The following SLAMF6 variants were observed in gnomAD, a reference collection of about 807,000 sequenced individuals.
SLAMF6 encodes NK-T-B-antigen.
Under a neutral mutation model 38.3 loss-of-function variants are expected in SLAMF6, and 21 were observed. The ratio of observed to expected loss-of-function variants is 0.55; its 90% CI spans 0.39 to 0.79. SLAMF6 has a LOEUF of 0.79. SLAMF6 is among the 30% of genes least tolerant of loss of function. The pLI, the probability that SLAMF6 is intolerant of heterozygous loss-of-function variation, is 0.00. For missense variants in SLAMF6, 341 were observed against 385.3 expected (o/e 0.89, Z 0.96); for synonymous variants, 152 against 146.3 (o/e 1.04, Z -0.28).
Position 160,491,189 on chromosome 1 carries a change from G to A in SLAMF6, c.582C>T (p.Thr194=). The A allele has an allele frequency of 6.2e-7, 1 of 1,614,116 alleles. No individual in the cohort carries two copies. Among genetic ancestry groups the A allele is most frequent in the Non-Finnish European group, 8.5e-7 (1 of 1,179,996 alleles). The part of the protein sequence containing the change: ...DPRISSEQDY[T]CIAENAVSNL... ...TACTGACAGCATTCTCTGCTATGCAGGTGTAGTCCTGTTCACTGGAAATCC... is the reference window on the plus strand; with the variant it reads ...TACTGACAGCATTCTCTGCTATGCAAGTGTAGTCCTGTTCACTGGAAATCC... The change falls in exon 3 of 8, where the codon ACC becomes ACT. Residue 194 remains threonine, a synonymous_variant. Coordinates refer to ENST00000368057, the MANE Select transcript of SLAMF6 (RefSeq NM_001184714.2).
rs562856989 is a variant in SLAMF6, at chr1:160,507,371, C to T, written c.50-10978G>A. On this transcript the variant is annotated intron_variant, in intron 1 of 7. Transcript: ENST00000368057. ...TTATAAACACATATGCACCAAACAA[C>T]AGCCCCAAAATATATAAAGCAAACA... 7.2e-5 allele frequency among the ~76,000 whole-genome samples: 11 copies of T among 152,192 alleles called. No homozygotes were observed. The South Asian group carries it at 2.1e-3, about 29-fold the overall frequency.
Position 160,490,231 on chromosome 1 carries a change from G to A in SLAMF6, c.763C>T (p.Leu255=), listed in dbSNP as rs748602631. Residue 255 remains leucine, a synonymous_variant, in exon 5 of 8, where the codon CTA becomes TTA. Coordinates refer to ENST00000368057, the MANE Select transcript of SLAMF6 (RefSeq NM_001184714.2). ...TGTGTTCGCTGAGTAGACAAAGATA[G>A]GGAATCTGAAAAATAAAACCAGAAA... ...LLVLRKRRDS[L]SLSTQRTQGP... 2.5e-6 allele frequency: 4 copies of A among 1,613,546 alleles called. No homozygotes were observed. Among genetic ancestry groups the A allele is most frequent in the African/African-American group, 2.7e-5 (2 of 74,866 alleles).
chr1:160,497,499 C>G (rs1333246251), intron 1 of SLAMF6, among the ~76,000 whole-genome samples: 1 of 152,084 alleles, frequency 6.6e-6, no homozygotes, highest in Non-Finnish European at 1.5e-5. Flanking sequence ...GGATCTCTTG[C>G]TTCTTTTTCT....
At position 160,487,174 on chromosome 1, in the gene SLAMF6, TC is replaced by T. The variant is rs755654646; in HGVS notation, c.880del (p.Glu294LysfsTer51). 1.9e-6 allele frequency: 3 copies of T among 1,612,698 alleles called. No homozygotes were observed. The highest frequency in any genetic ancestry group is 8.5e-7 in the Non-Finnish European group (1 of 1,179,562). On this transcript the variant is annotated frameshift_variant and splice_region_variant, in exon 7 of 8. Transcript: ENST00000368057. LOFTEE classifies it high-confidence loss of function. ...VYASVTHSNR[E>X]TEIWTPREND... ...TTCTCTAGGTGTCCAGATTTCTGTT[TC>T]CTGTAAAAAGAATCATACCAATTTG...
Position 160,512,837 on chromosome 1 carries a change from C to T in SLAMF6, c.49+10307G>A, listed in dbSNP as rs187907327. ...ACAACAACAGCATCAACAAAAAAGT[C>T]CCCACAAAAAGCCCATCCAAAGATC... On this transcript the variant is annotated intron_variant, in intron 1 of 7. Transcript: ENST00000368057. Among the ~76,000 whole-genome samples, 6 of 152,256 alleles carry T rather than the reference C, an allele frequency of 3.9e-5. No homozygotes were observed. In the East Asian group the frequency reaches 1.2e-3, roughly 29 times the overall value.
intron 6 of SLAMF6, among the ~76,000 whole-genome samples, chr1:160,487,833 T>TAA (rs1653047828): frequency 6.6e-6 from 1 of 152,192 alleles, no homozygotes; most frequent in Non-Finnish European, 1.5e-5. Flanking sequence ...CTCATGCCTG[T>TAA]AAACCCAACA....
Position 160,496,168 on chromosome 1 carries a change from T to C in SLAMF6, c.275A>G (p.Tyr92Cys), listed in dbSNP as rs754697018. 15 of 1,613,720 alleles carry C rather than the reference T, an allele frequency of 9.3e-6. No individual in the cohort carries two copies. The highest frequency in any genetic ancestry group is 4.5e-5 in the East Asian group (2 of 44,882). Residue 92 changes from tyrosine (Y) to cysteine (C), a missense_variant, in exon 2 of 8, where the codon TAC becomes TGC. Coordinates refer to ENST00000368057, the MANE Select transcript of SLAMF6 (RefSeq NM_001184714.2). ...QGKRLNFTQS[Y>C]SLQLSNLKME... ...CTTCAGGTTGCTGAGTTGCAGGGAG[T>C]AGGACTGGGTGAAGTTCAGTCGCTT...
rs188017294 is a variant in SLAMF6, at chr1:160,487,093, C to G, written c.951+11G>C. 6.3e-7 allele frequency: 1 copy of G among 1,597,582 alleles called. No individual in the cohort carries two copies. The highest frequency in any genetic ancestry group is 1.1e-5 in the South Asian group (1 of 90,554). ...TAAGAATATAAAAACATGGAGCAATCGTGGGCTTACCTCTTTGGAATGATT... is the reference window on the plus strand; with the variant it reads ...TAAGAATATAAAAACATGGAGCAATGGTGGGCTTACCTCTTTGGAATGATT... On this transcript the variant is annotated intron_variant, in intron 7 of 7. Transcript: ENST00000368057.
intron 1 of SLAMF6, among the ~76,000 whole-genome samples, chr1:160,507,611 C>T (rs1162314229): frequency 1.3e-5 from 2 of 152,028 alleles, no homozygotes; most frequent in Non-Finnish European, 2.9e-5. Context: ...GCACATAAGT[C>T]GTTCTCATAG....
At chr1:160,489,533 G>A (rs1653161408) in intron 5 of SLAMF6, among the ~76,000 whole-genome samples, 1 of 152,128 alleles carries the variant, frequency 6.6e-6, no homozygotes, top group Non-Finnish European at 1.5e-5. Flanking sequence ...TCACATTTGG[G>A]ATATTATTAA....
chr1:160,507,965 C>G (rs1308725370), intron 1 of SLAMF6, among the ~76,000 whole-genome samples: 1 of 152,010 alleles, frequency 6.6e-6, no homozygotes, highest in Non-Finnish European at 1.5e-5. Context: ...TGTGAAGGAC[C>G]TCTTCAAGGA....
chr1:160,491,310 G>A lies in SLAMF6; in HGVS notation c.461C>T (p.Ser154Phe), dbSNP rs1653285080. 8.7e-6 allele frequency: 14 copies of A among 1,613,962 alleles called. No individual in the cohort carries two copies. In the East Asian group the frequency reaches 3.1e-4, roughly 36 times the overall value. ...GACATTGTCATCTGCATCCTCCACA[G>A]AGCAAGTCAGATGGAGCTCACAGGT... ...NMTCELHLTC[S>F]VEDADDNVSF... The change falls in exon 3 of 8, where the codon TCT becomes TTT. Residue 154 changes from serine (S) to phenylalanine (F), a missense_variant. Coordinates refer to ENST00000368057, the MANE Select transcript of SLAMF6 (RefSeq NM_001184714.2).
chr1:160,489,044 C>T (rs1458864313), intron 6 of SLAMF6, 44 bp downstream of exon 6: 3 of 1,524,580 alleles, frequency 2.0e-6, no homozygotes. Flanking sequence ...TGAACAATGG[C>T]TGTAAAACTG....
chr1:160,507,902 T>C (rs1419505612), intron 1 of SLAMF6, among the ~76,000 whole-genome samples: 4 of 152,006 alleles, frequency 2.6e-5, no homozygotes, highest in African/African-American at 9.7e-5. Context: ...CAGAGGGATA[T>C]TTTTATCCCT....
At chr1:160,495,493 A>G (rs1175753762) in intron 2 of SLAMF6, among the ~76,000 whole-genome samples, 1 of 152,224 alleles carries the variant, frequency 6.6e-6, no homozygotes, top group African/African-American at 2.4e-5. Flanking sequence ...AAATTAAATA[A>G]CCTTGACAGA....
chr1:160,486,665 A>G lies in SLAMF6; in HGVS notation c.*42T>C. The G allele has an allele frequency of 6.4e-7, 1 of 1,569,370 alleles. No individual in the cohort carries two copies. Among genetic ancestry groups the G allele is most frequent in the Non-Finnish European group, 8.8e-7 (1 of 1,139,720 alleles). The stretch of plus-strand genomic sequence containing the variant: ...TCTTTGTTCTGTCTCATGGGATCAG[A>G]AGACGTGTCATTCCCGAATTCCTCT... On this transcript the variant is annotated 3_prime_UTR_variant, in exon 8 of 8. Coordinates refer to ENST00000368057, the MANE Select transcript of SLAMF6 (RefSeq NM_001184714.2).
intron 1 of SLAMF6, among the ~76,000 whole-genome samples, chr1:160,504,702 C>A (rs1412029911): frequency 6.6e-6 from 1 of 152,134 alleles, no homozygotes; most frequent in Non-Finnish European, 1.5e-5. Context: ...AATGAATAAC[C>A]CATCAATACC....
At chr1:160,512,592 A>T (rs1654530587) in intron 1 of SLAMF6, among the ~76,000 whole-genome samples, 1 of 152,118 alleles carries the variant, frequency 6.6e-6, no homozygotes, top group Non-Finnish European at 1.5e-5. Context: ...GACACTTTAT[A>T]CAGGAGCACT....
chr1:160,517,262 C>T (rs969269050), intron 1 of SLAMF6, among the ~76,000 whole-genome samples: 1 of 152,144 alleles, frequency 6.6e-6, no homozygotes, highest in African/African-American at 2.4e-5. Flanking sequence ...TGAAAAAAAG[C>T]TCAACATCAC....
Sources: allele counts gnomAD v4.1 joint callset (sites outside exome capture counted in the v4.1 genomes callset), GRCh38; gene constraint gnomAD v4.1.1; transcripts MANE v1.5; gene names NCBI Gene and HGNC (gene_info 2026-07-23, HGNC 2026-07-21).